FAM3D: variants seen among roughly 807,000 people sequenced by gnomAD.
FAM3D encodes the protein protein FAM3D.
FAM3D carries 26 observed loss-of-function variants against 29.8 expected under a neutral mutation model. The observed-to-expected ratio is 0.87, with a 90% CI of 0.64 to 1.21. The LOEUF (loss-of-function observed/expected upper bound fraction) is 1.21, where lower values mean the gene tolerates loss of function less well. Among genes scored for constraint, FAM3D ranks in the 50% most tolerant of loss-of-function variants. The pLI, the probability that FAM3D is intolerant of heterozygous loss-of-function variation, is 0.00. For synonymous variants in FAM3D, 115 were observed against 102.3 expected (o/e 1.12, Z -0.75); for missense variants, 253 against 290.9 (o/e 0.87, Z 0.95).
chr3:58,658,510 C>T (rs1006579340), intron 1 of FAM3D, among the ~76,000 whole-genome samples: 1 of 152,134 alleles, frequency 6.6e-6, no homozygotes, highest in Non-Finnish European at 1.5e-5. Context: ...TGTCTGAATA[C>T]GGTTCTCCTA....
chr3:58,648,074 C>G (rs945898113), intron 4 of FAM3D, among the ~76,000 whole-genome samples: 9 of 152,132 alleles, frequency 5.9e-5, no homozygotes, highest in Non-Finnish European at 1.3e-4. Flanking sequence ...GTGATGTCTG[C>G]CATGGGAACA....
intron 4 of FAM3D, 141 bp downstream of exon 4, chr3:58,649,174 G>A (rs1290917538): frequency 5.7e-6 from 6 of 1,050,414 alleles, no homozygotes; most frequent in Non-Finnish European, 8.3e-6. Context: ...GGAGAGGACT[G>A]GGAAGAATCA....
intron 1 of FAM3D, among the ~76,000 whole-genome samples, chr3:58,660,171 A>G (rs1229450130): frequency 6.6e-6 from 1 of 152,222 alleles, no homozygotes; most frequent in Non-Finnish European, 1.5e-5. Flanking sequence ...AGAATGAAAA[A>G]GAAACAGAGA....
chr3:58,641,307 G>A (rs1405550732), intron 6 of FAM3D, among the ~76,000 whole-genome samples: 5 of 152,118 alleles, frequency 3.3e-5, no homozygotes, highest in East Asian at 1.9e-4. Context: ...CAGTTGACTC[G>A]ATCCAGGTTC....
At chr3:58,662,343 G>A (rs2066948396) in intron 1 of FAM3D, among the ~76,000 whole-genome samples, 1 of 152,238 alleles carries the variant, frequency 6.6e-6, no homozygotes, top group African/African-American at 2.4e-5. Context: ...AAAGTCGATG[G>A]TGGCTTGGGA....
At chr3:58,658,679 G>T (rs933533030) in intron 1 of FAM3D, among the ~76,000 whole-genome samples, 1 of 152,204 alleles carries the variant, frequency 6.6e-6, no homozygotes, top group Non-Finnish European at 1.5e-5. Flanking sequence ...TGTCATAAGG[G>T]TCTGGCCAAT....
At chr3:58,656,067 T>G (rs1007603211) in intron 1 of FAM3D, among the ~76,000 whole-genome samples, 1 of 148,746 alleles carries the variant, frequency 6.7e-6, no homozygotes, top group African/African-American at 2.5e-5. Context: ...AGCTGTCTAT[T>G]TAGCCCTCCT....
chr3:58,657,091 C>CT (rs1407825041), intron 1 of FAM3D, among the ~76,000 whole-genome samples: 13 of 151,824 alleles, frequency 8.6e-5, no homozygotes, highest in East Asian at 1.9e-4. Context: ...AGATTACCAG[C>CT]TTCTTTTTTC....
chr3:58,639,612 C>T (rs1333992760), intron 7 of FAM3D, among the ~76,000 whole-genome samples: 5 of 152,158 alleles, frequency 3.3e-5, no homozygotes, highest in African/African-American at 1.2e-4. Context: ...CATCCAGGCT[C>T]CATCCACAGC....
At position 58,635,562 on chromosome 3, in the gene FAM3D, T is replaced by C. The variant is rs1052962366; in HGVS notation, c.585+732A>G. On this transcript the variant is annotated intron_variant, in intron 9 of 9. Transcript: ENST00000358781. This position sits in a 1 kb window ranked among gnomAD's most constrained non-coding sequence, Gnocchi z 5.2. The stretch of plus-strand genomic sequence containing the variant: ...GGGGCAGGAAAGCACCACCTGCCCA[T>C]GCAGCCTCAGACCTCTTGCCTCTTG... 1.3e-5 allele frequency among the ~76,000 whole-genome samples: 2 copies of C among 152,208 alleles called. No individual in the cohort carries two copies. The highest frequency in any genetic ancestry group is 2.9e-5 in the Non-Finnish European group (2 of 68,028).
chr3:58,647,089 G>A (rs777955675), intron 4 of FAM3D, among the ~76,000 whole-genome samples: 1 of 152,178 alleles, frequency 6.6e-6, no homozygotes, highest in East Asian at 1.9e-4. Context: ...TGCTGGCTTG[G>A]TTTCCCTCCA....
At chr3:58,661,237 G>A (rs13059590) in intron 1 of FAM3D, among the ~76,000 whole-genome samples, 121,081 of 152,156 alleles carry the variant, frequency 0.8, 49,636 homozygotes, top group Non-Finnish European at 0.9. Context: ...CCCGAGCCTC[G>A]GGTGTTCCTT....
chr3:58,644,893 C>G (rs188376216), intron 5 of FAM3D, among the ~76,000 whole-genome samples: 1 of 152,252 alleles, frequency 6.6e-6, no homozygotes, highest in Non-Finnish European at 1.5e-5. Flanking sequence ...CCTACCACCC[C>G]TGGTCTTTTA....
chr3:58,637,628 C>A (rs1413161955), intron 7 of FAM3D, among the ~76,000 whole-genome samples: 1 of 152,128 alleles, frequency 6.6e-6, no homozygotes. Context: ...CTGGACAATG[C>A]CCAGATTATC....
chr3:58,662,805 C>G (rs1219906465), intron 1 of FAM3D, among the ~76,000 whole-genome samples: 1 of 152,202 alleles, frequency 6.6e-6, no homozygotes, highest in Non-Finnish European at 1.5e-5. Context: ...CTCTGTGGTC[C>G]TGGCTTAGCA....
intron 6 of FAM3D, among the ~76,000 whole-genome samples, chr3:58,643,455 G>A (rs576953195): frequency 2.0e-5 from 3 of 152,326 alleles, no homozygotes; most frequent in African/African-American, 7.2e-5. Flanking sequence ...ATGTGGCAGG[G>A]GCCTGGCTAG....
intron 1 of FAM3D, among the ~76,000 whole-genome samples, chr3:58,658,590 C>G (rs569461742): frequency 4.6e-5 from 7 of 152,248 alleles, no homozygotes; most frequent in African/African-American, 1.7e-4. Flanking sequence ...TTCTGGGAAG[C>G]CTTCCCTGAC....
rs559715700 is a variant in FAM3D at position 58,636,215 on chromosome 3, G to A, written c.585+79C>T. On this transcript the variant is annotated intron_variant, in intron 9 of 9. Transcript: ENST00000358781. ...CTCCCAATTTTAAGGCCCCTGGGAG[G>A]TGAATGGGTGACTCCTTCCTACCAC... is the stretch of plus-strand genomic sequence containing the variant. 81 of 1,552,336 alleles carry A rather than the reference G, an allele frequency of 5.2e-5. 1 individual carries two copies. The South Asian group carries it at 8.7e-4, about 17-fold the overall frequency.
rs77056124 is a variant in FAM3D, at chr3:58,651,870, A to G, written c.121+1804T>C. ...GGGTGGGGACACTTGGCCACTAAGC[A>G]TCTATATAAACTTCTAAATCATCTC... On this transcript the variant is annotated intron_variant, in intron 3 of 9. Transcript: ENST00000358781. 5.3e-3 allele frequency among the ~76,000 whole-genome samples: 801 copies of G among 152,250 alleles called. 9 individuals carry two copies. The highest frequency in any genetic ancestry group is 0.018 in the African/African-American group (738 of 41,518).
Sources: gnomAD v4.1 joint callset for allele counts (sites outside exome capture counted in the v4.1 genomes callset) on GRCh38, gnomAD v4.1.1 for gene constraint, Gnocchi (gnomAD v3.1) non-coding constraint, MANE v1.5 for transcripts, NCBI Gene and HGNC (gene_info 2026-07-23, HGNC 2026-07-21) for gene names.